Variants in UNC13A observed in about 807,000 individuals in gnomAD.
UNC13A encodes unc-13 homolog A, also known as protein unc-13 homolog A.
Under a neutral mutation model 219.7 loss-of-function variants are expected in UNC13A, and 61 were observed. The observed-to-expected ratio is 0.28, with a 90% CI of 0.23 to 0.34. The LOEUF (loss-of-function observed/expected upper bound fraction) is 0.34, where lower values mean the gene tolerates loss of function less well. Ranked by LOEUF, UNC13A falls within the 10% of genes least tolerant of loss-of-function variation. UNC13A has a pLI of 1.00. For synonymous variants in UNC13A, 920 were observed against 884.6 expected (o/e 1.04, Z -0.71); for missense variants, 1,476 against 2,270.3 (o/e 0.65, Z 7.11).
chr19:17,614,846 T>A (rs954785858), intron 41 of UNC13A, among the ~76,000 whole-genome samples: 1 of 152,102 alleles, frequency 6.6e-6, no homozygotes, highest in Non-Finnish European at 1.5e-5. Flanking sequence ...CCCAGGCCGA[T>A]GCTTCATAGC....
intron 17 of UNC13A, among the ~76,000 whole-genome samples, 180 bp from the exon 18 acceptor site, chr19:17,646,291 G>A (rs1456717454): frequency 6.6e-6 from 1 of 151,882 alleles, no homozygotes; most frequent in Non-Finnish European, 1.5e-5. Context: ...TTGTTTGTTT[G>A]TTTTTGAGAC....
chr19:17,670,281 C>A (rs1206041512), intron 4 of UNC13A, among the ~76,000 whole-genome samples: 2 of 151,228 alleles, frequency 1.3e-5, no homozygotes, highest in Non-Finnish European at 2.9e-5. Context: ...CTCTCTATCA[C>A]CCAGGCTGGA....
chr19:17,648,905 C>G lies in UNC13A; in HGVS notation c.1596+7G>C, dbSNP rs2079294103. ...CTGACCCGGGGAAAAAGAGGTGCCC[C>G]ACGCACCAGCTCCTCGTTGTTCAAC... On this transcript the variant is annotated splice_region_variant and intron_variant, in intron 15 of 43. Coordinates refer to ENST00000519716, the MANE Select transcript of UNC13A (RefSeq NM_001080421.3). 1 of 1,588,138 alleles carries G rather than the reference C, an allele frequency of 6.3e-7. No individual in the cohort carries two copies. Among genetic ancestry groups the G allele is most frequent in the East Asian group, 2.3e-5 (1 of 43,558 alleles).
intron 22 of UNC13A, among the ~76,000 whole-genome samples, 151 bp from the exon 23 acceptor site, chr19:17,640,059 G>C (rs1202752133): frequency 6.6e-6 from 1 of 151,576 alleles, no homozygotes. Context: ...TTTTGAGACA[G>C]AGTCTTGCTC....
Position 17,610,044 on chromosome 19 carries a change from G to A in UNC13A, c.4707C>T (p.Ile1569=), listed in dbSNP as rs761622726. The stretch of plus-strand genomic sequence containing the variant: ...GCTGGGGCCCAATGATGTTGACCTC[G>A]ATGAACGGCCGGAAGATGCCAGAAG... ...WQTSGIFRPF[I]EVNIIGPQLS... Residue 1569 remains isoleucine, a synonymous_variant, in exon 43 of 44, where the codon ATC becomes ATT. Transcript: ENST00000519716. 6.2e-6 allele frequency: 10 copies of A among 1,613,932 alleles called. No individual in the cohort carries two copies. The highest frequency in any genetic ancestry group is 2.2e-5 in the East Asian group (1 of 44,902).
intron 31 of UNC13A, chr19:17,628,312 G>A (rs895573408): frequency 4.3e-5 from 11 of 255,918 alleles, no homozygotes; most frequent in Non-Finnish European, 6.9e-5. Context: ...CACTGAAGGC[G>A]TGTGCCCTCA....
At position 17,642,966 on chromosome 19, in the gene UNC13A, G is replaced by A. The variant is rs1447715262; in HGVS notation, c.2357-6C>T. On this transcript the variant is annotated splice_region_variant and splice_polypyrimidine_tract_variant and intron_variant, in intron 19 of 43. Coordinates refer to ENST00000519716, the MANE Select transcript of UNC13A (RefSeq NM_001080421.3). Reference sequence around the variant, plus strand: ...AGATTTGTCAGTTCGCTTGTCTGCAGGGCAGAAAAAGAAGACAGTGTCAGA... The same window carrying A: ...AGATTTGTCAGTTCGCTTGTCTGCAAGGCAGAAAAAGAAGACAGTGTCAGA... 2 of 1,596,116 alleles carry A rather than the reference G, an allele frequency of 1.3e-6. No individual in the cohort carries two copies. Among genetic ancestry groups the A allele is most frequent in the Non-Finnish European group, 1.7e-6 (2 of 1,171,004 alleles).
At chr19:17,616,567 G>A in intron 41 of UNC13A, 1 of 560,372 alleles carries the variant, frequency 1.8e-6, no homozygotes, top group Non-Finnish European at 3.2e-6. Context: ...GTGTGGAGGG[G>A]GCAGGGGAGG....
chr19:17,610,185 G>C (rs2076587039), intron 42 of UNC13A, 86 bp from the exon 43 acceptor site: 1 of 1,573,246 alleles, frequency 6.4e-7, no homozygotes, highest in Non-Finnish European at 8.7e-7. Flanking sequence ...CCTGCCCAAG[G>C]CTGGGCGCAG....
At chr19:17,621,497 G>A (rs748301422) in intron 37 of UNC13A, among the ~76,000 whole-genome samples, 21 of 152,154 alleles carry the variant, frequency 1.4e-4, no homozygotes, top group Non-Finnish European at 2.9e-4. Flanking sequence ...ACACGTCTCA[G>A]TCCAGGGTGG....
intron 21 of UNC13A, 140 bp downstream of exon 21, chr19:17,641,253 C>T: frequency 9.5e-7 from 1 of 1,056,532 alleles, no homozygotes; most frequent in Non-Finnish European, 1.4e-6. Flanking sequence ...TCCTGATCTC[C>T]AGGGGAATTA....
At chr19:17,687,064 A>T (rs1285330346) in intron 1 of UNC13A, among the ~76,000 whole-genome samples, 2 of 152,178 alleles carry the variant, frequency 1.3e-5, no homozygotes, top group Non-Finnish European at 2.9e-5. Flanking sequence ...GTAGGCGTGG[A>T]ACGGCGGTCC....
At chr19:17,662,988 C>T (rs1874353083) in intron 8 of UNC13A, among the ~76,000 whole-genome samples, 1 of 151,434 alleles carries the variant, frequency 6.6e-6, no homozygotes, top group African/African-American at 2.4e-5. Flanking sequence ...TGCCTTATTC[C>T]CTGGGAGAGC....
intron 1 of UNC13A, among the ~76,000 whole-genome samples, chr19:17,679,565 C>T (rs1364264046): frequency 1.3e-5 from 2 of 151,554 alleles, no homozygotes. Flanking sequence ...GGGGGTGATA[C>T]AAGGGGCTCA....
At position 17,655,335 on chromosome 19, in the gene UNC13A, A is replaced by T; in HGVS notation, c.1331T>A (p.Met444Lys). The T allele has an allele frequency of 6.3e-7, 1 of 1,592,400 alleles. No homozygotes were observed. Among genetic ancestry groups the T allele is most frequent in the Non-Finnish European group, 8.5e-7 (1 of 1,169,994 alleles). Reference sequence around the variant, plus strand: ...CAGCCAGTTGGCCTTGGCCCTGGACATGGAGTCCTGCCCCTCCTGGCCTTC... The same window carrying T: ...CAGCCAGTTGGCCTTGGCCCTGGACTTGGAGTCCTGCCCCTCCTGGCCTTC... ...DEEGQEGQDS[M>K]SRAKANWLRA... The change falls in exon 11 of 44, where the codon ATG (methionine) becomes AAG (lysine). Residue 444 changes from methionine to lysine, a missense_variant. Met to Lys is a moderately conservative substitution (Grantham distance 95, BLOSUM62 -1). Transcript: ENST00000519716.
intron 31 of UNC13A, among the ~76,000 whole-genome samples, 200 bp downstream of exon 31, chr19:17,629,040 A>G (rs991393116): frequency 6.6e-6 from 1 of 152,094 alleles, no homozygotes; most frequent in Non-Finnish European, 1.5e-5. Flanking sequence ...CTTACTTCCC[A>G]TACACTCAGA....
At position 17,626,393 on chromosome 19, in the gene UNC13A, C is replaced by T; in HGVS notation, c.4073+240G>A. 3 of 470,780 alleles carry T rather than the reference C, an allele frequency of 6.4e-6. No homozygotes were observed. The East Asian group carries it at 9.8e-5, about 15-fold the overall frequency. 29.2% of individuals were successfully genotyped at this position (470,780 alleles called of 1,614,324 possible). A position where few individuals can be genotyped will look rare whatever the true frequency, so the allele number is the denominator to read the frequency against. Reference sequence around the variant, plus strand: ...CCATGCGTCCACCCACCTACCCATCCCTCATGTCACCTATTCATCCACCAT... The same window carrying T: ...CCATGCGTCCACCCACCTACCCATCTCTCATGTCACCTATTCATCCACCAT... On this transcript the variant is annotated intron_variant, in intron 34 of 43. Transcript: ENST00000519716.
intron 19 of UNC13A, among the ~76,000 whole-genome samples, chr19:17,645,296 A>T (rs1472402961): frequency 1.3e-5 from 2 of 151,488 alleles, no homozygotes; most frequent in African/African-American, 4.9e-5. Flanking sequence ...GGCGTGAGCC[A>T]CCATACCTGG....
intron 25 of UNC13A, 115 bp downstream of exon 25, chr19:17,638,968 A>G (rs931411495): frequency 4.0e-6 from 5 of 1,243,314 alleles, no homozygotes; most frequent in Non-Finnish European, 5.3e-6. Flanking sequence ...CCCATTTTAT[A>G]GAAGAAGATA....
Sources: gnomAD v4.1 joint callset for allele counts (sites outside exome capture counted in the v4.1 genomes callset) on GRCh38, gnomAD v4.1.1 for gene constraint, MANE v1.5 for transcripts, NCBI Gene and HGNC (gene_info 2026-07-23, HGNC 2026-07-21) for gene names.